FCER2: variants seen among roughly 807,000 people sequenced by gnomAD.
FCER2 encodes low affinity immunoglobulin epsilon Fc receptor.
FCER2 carries 38 observed loss-of-function variants against 49.7 expected under a neutral mutation model. That is an observed-to-expected ratio of 0.76 (90% CI 0.59 to 1.00). The LOEUF (loss-of-function observed/expected upper bound fraction) is 1.00. Ranked by LOEUF, FCER2 falls within the 50% of genes least tolerant of loss-of-function variation. The probability of loss-of-function intolerance (pLI) is 0.00; values close to 1 mark genes in which losing one functional copy is unlikely to be tolerated. For synonymous variants in FCER2, 163 were observed against 164.6 expected, an observed-to-expected ratio of 0.99 and a Z score of 0.07; for missense variants, 425 against 419.5, an observed-to-expected ratio of 1.01 and a Z score of -0.11.
At position 7,689,149 on chromosome 19, in the gene FCER2, T is replaced by C; in HGVS notation, c.*44A>G. The C allele has an allele frequency of 7.3e-7, 1 of 1,368,898 alleles. No individual in the cohort carries two copies. Among genetic ancestry groups the C allele is most frequent in the South Asian group, 1.2e-5 (1 of 84,894 alleles). 84.8% of individuals were successfully genotyped at this position (1,368,898 alleles called of 1,614,324 possible). ...CACAAAGAGGCTTTTAGGCCGTGGT[T>C]GGGGGTCTTCAGGGTCTTGCTCTGG... On this transcript the variant is annotated 3_prime_UTR_variant, in exon 11 of 11. Transcript: ENST00000597921.
intron 8 of FCER2, among the ~76,000 whole-genome samples, chr19:7,692,035 A>T (rs76212638): frequency 0.97 from 105,156 of 108,418 alleles, 50,948 homozygotes; most frequent in Admixed American, 0.98. Context: ...TTCACGTCCA[A>T]CAACACATCA....
intron 8 of FCER2, among the ~76,000 whole-genome samples, chr19:7,693,736 C>T (rs2032942808): frequency 6.6e-6 from 1 of 151,988 alleles, no homozygotes; most frequent in African/African-American, 2.4e-5. Context: ...GCAACCTGCA[C>T]CTCCCGGGTT....
chr19:7,691,562 G>A (rs1467266555), intron 8 of FCER2, among the ~76,000 whole-genome samples: 1 of 149,034 alleles, frequency 6.7e-6, no homozygotes, highest in African/African-American at 2.5e-5. Context: ...CAGCACCTCA[G>A]CCACAAGCAC....
At chr19:7,695,619 T>TA (rs34561073) in intron 8 of FCER2, among the ~76,000 whole-genome samples, 27,837 of 151,662 alleles carry the variant, frequency 0.18, 3,110 homozygotes, top group African/African-American at 0.3. Context: ...CTACAAAAAA[T>TA]AAAAAAATTA....
chr19:7,699,493 CT>C (rs957828474), intron 2 of FCER2: 1 of 1,243,524 alleles, frequency 8.0e-7, no homozygotes, highest in Admixed American at 3.2e-5. Context: ...TTTTTTTTTT[CT>C]TTTTCTTTTT....
intron 4 of FCER2, 76 bp downstream of exon 4, chr19:7,698,280 G>T: frequency 1.9e-6 from 2 of 1,047,632 alleles, no homozygotes; most frequent in Non-Finnish European, 2.8e-6. Context: ...GGGACACTGA[G>T]GCCCAGAGAG....
rs760862923 is a variant in FCER2 at position 7,696,826 on chromosome 19, G to A, written c.468C>T (p.Ser156=). ...TKLRMELQVS[S]GFVCNTCPEK... is the part of the protein sequence containing the mutation. ...CTGAGCAGAGACTCACACACTCACC[G>A]CTGGACACCTGCAACTCCATCCTTA... Residue 156 remains serine (S), a splice_region_variant and synonymous_variant, in exon 8 of 11, where the codon AGC becomes AGT. Coordinates refer to ENST00000597921, the MANE Select transcript of FCER2 (RefSeq NM_001220500.2). 1.5e-5 allele frequency: 24 copies of A among 1,570,540 alleles called. No individual in the cohort carries two copies. Among genetic ancestry groups the A allele is most frequent in the East Asian group, 4.6e-5 (2 of 43,188 alleles).
rs1411818561 is a variant in FCER2 at position 7,689,266 on chromosome 19, T to A, written c.893A>T (p.Glu298Val). Residue 298 changes from glutamate (E) to valine (V), a missense_variant, in exon 11 of 11, where the codon GAG becomes GTG. Coordinates refer to ENST00000597921, the MANE Select transcript of FCER2 (RefSeq NM_001220500.2). ...TGGTCTTGAATCAGGTCCCATGGAC[T>A]CCGCGGAACCTTCGCTGGCTGGCGG... is the stretch of plus-strand genomic sequence containing the variant. Reference protein sequence around the residue: ...CTPPASEGSAESMGPDSRPDP... With the variant: ...CTPPASEGSAVSMGPDSRPDP... The A allele has an allele frequency of 3.7e-6, 6 of 1,613,706 alleles. No individual in the cohort carries two copies. Among genetic ancestry groups the A allele is most frequent in the Non-Finnish European group, 5.1e-6 (6 of 1,179,930 alleles).
intron 8 of FCER2, 197 bp downstream of exon 8, chr19:7,696,628 C>G (rs1445763382): frequency 5.1e-6 from 3 of 593,132 alleles, no homozygotes; most frequent in Admixed American, 3.0e-5. Flanking sequence ...TTTCCGTCAT[C>G]ACGCACACCT....
Position 7,697,054 on chromosome 19 carries a change from A to G in FCER2, c.338T>C (p.Leu113Pro). The change falls in exon 7 of 11, where the codon CTG becomes CCG. Residue 113 changes from leucine (L) to proline (P), a missense_variant. Physicochemically the swap from Leu to Pro is moderately conservative, Grantham distance 98 (BLOSUM62 -3). Transcript: ENST00000597921. Reference protein sequence around the residue: ...KSQDLELSWNLNGLQADLSSF... With the variant: ...KSQDLELSWNPNGLQADLSSF... ...GCTCAGATCTGCTTGAAGCCCGTTC[A>G]GGTTCCAGGACAGCTCCAAGTCTGG... is the stretch of plus-strand genomic sequence containing the variant. The G allele has an allele frequency of 6.2e-7, 1 of 1,612,388 alleles. No individual in the cohort carries two copies. The highest frequency in any genetic ancestry group is 2.2e-5 in the East Asian group (1 of 44,800).
intron 9 of FCER2, 61 bp downstream of exon 9, chr19:7,690,340 AGAGTG>A: frequency 2.5e-6 from 4 of 1,601,564 alleles, no homozygotes; most frequent in Non-Finnish European, 3.4e-6. Context: ...GAGGTTGGGT[AGAGTG>A]GGGTGGGGGT....
At position 7,700,760 on chromosome 19, in the gene FCER2, G is replaced by A. The variant is rs570301503; in HGVS notation, c.-85-915C>T. On this transcript the variant is annotated intron_variant, in intron 1 of 10. Transcript: ENST00000597921. ...AAACTCCTGACCTCATGATCCGCCC[G>A]CCTCGGCCTCCCAAAGTGCTGGGAT... Among the ~76,000 whole-genome samples the A allele has an allele frequency of 8.8e-4, 133 of 151,722 alleles. 2 individuals carry two copies. The highest frequency in any genetic ancestry group is 3.0e-3 in the African/African-American group (126 of 41,314).
At position 7,698,365 on chromosome 19, in the gene FCER2, C is replaced by A. The variant is rs151242082; in HGVS notation, c.181G>T (p.Ala61Ser). ...QSLKQLEERA[A>S]RNVSQVSKNL... The stretch of plus-strand genomic sequence containing the variant: ...CTTGACCCCTTCATACCGTTCCGGG[C>A]AGCCCTCTCTTCCAGCTGTTTTAGA... The change falls in exon 4 of 11, where the codon GCC (alanine) becomes TCC (serine). Residue 61 changes from alanine (A) to serine (S), a missense_variant. Ala to Ser is a moderately conservative substitution (Grantham distance 99). Transcript: ENST00000597921. 1 of 1,611,748 alleles carries A rather than the reference C, an allele frequency of 6.2e-7. No individual in the cohort carries two copies.
intron 8 of FCER2, among the ~76,000 whole-genome samples, chr19:7,693,953 A>AT (rs368201774): frequency 0.07 from 9,777 of 139,842 alleles, 652 homozygotes; most frequent in African/African-American, 0.17. Context: ...CCAGCCACAG[A>AT]TTTTTTTTTT....
chr19:7,689,434 G>A lies in FCER2; in HGVS notation c.729-4C>T, dbSNP rs1318533117. 1 of 1,573,850 alleles carries A rather than the reference G, an allele frequency of 6.4e-7. No homozygotes were observed. The highest frequency in any genetic ancestry group is 2.3e-5 in the East Asian group (1 of 43,704). The stretch of plus-strand genomic sequence containing the variant: ...GGGCTCCCCTGGAGCCCAGTTGCTG[G>A]AGCAAAAGGCTTTGGGTCAGGGGAT... On this transcript the variant is annotated splice_polypyrimidine_tract_variant and splice_region_variant and intron_variant, in intron 10 of 10. Coordinates refer to ENST00000597921, the MANE Select transcript of FCER2 (RefSeq NM_001220500.2).
intron 6 of FCER2, 39 bp from the exon 7 acceptor site, chr19:7,697,114 A>G (rs1310760843): frequency 2.5e-6 from 4 of 1,612,478 alleles, no homozygotes; most frequent in Non-Finnish European, 3.4e-6. Flanking sequence ...CTCAGGGAGG[A>G]TGTGTACAGG....
chr19:7,698,390 A>T lies in FCER2; in HGVS notation c.156T>A (p.Ser52Arg). ...CAGCCCTCTCTTCCAGCTGTTTTAG[A>T]CTCTGTGTGGTGTCCCAGTCTGGGG... ...LLLWHWDTTQ[S>R]LKQLEERAAR... The change falls in exon 4 of 11, where the codon AGT (serine) becomes AGA (arginine). Residue 52 changes from serine to arginine, a missense_variant. Ser to Arg is a moderately radical substitution (Grantham distance 110). Transcript: ENST00000597921. The T allele has an allele frequency of 6.2e-7, 1 of 1,611,660 alleles. No homozygotes were observed. Among genetic ancestry groups the T allele is most frequent in the Non-Finnish European group, 8.5e-7 (1 of 1,178,860 alleles).
At chr19:7,693,555 T>G (rs1162394430) in intron 8 of FCER2, among the ~76,000 whole-genome samples, 1 of 152,056 alleles carries the variant, frequency 6.6e-6, no homozygotes, top group Non-Finnish European at 1.5e-5. Flanking sequence ...GAGACCAGCC[T>G]GGGCAACATA....
rs756472702 is a variant in FCER2 at position 7,689,019 on chromosome 19, G to A, written c.*174C>T. 2.2e-5 allele frequency: 13 copies of A among 602,586 alleles called. No individual in the cohort carries two copies. Among genetic ancestry groups the A allele is most frequent in the Non-Finnish European group, 3.6e-5 (12 of 337,178 alleles). 37.3% of individuals were successfully genotyped at this position (602,586 alleles called of 1,614,324 possible). The stretch of plus-strand genomic sequence containing the variant: ...TTGGGGGCACTCCCATCTGGAGAGG[G>A]TGCTGTTGGGGTGTACTCCTGGGAA... On this transcript the variant is annotated 3_prime_UTR_variant, in exon 11 of 11. Coordinates refer to ENST00000597921, the MANE Select transcript of FCER2 (RefSeq NM_001220500.2).
Sources: gnomAD v4.1 joint callset for allele counts (sites outside exome capture counted in the v4.1 genomes callset) on GRCh38, gnomAD v4.1.1 for gene constraint, MANE v1.5 for transcripts, NCBI Gene and HGNC (gene_info 2026-07-23, HGNC 2026-07-21) for gene names.